Variants in MACF1 observed in about 807,000 individuals in gnomAD.
MACF1 encodes microtubule actin crosslinking factor 1, also known as microtubule-actin cross-linking factor 1.
MACF1 carries 193 observed loss-of-function variants against 854.8 expected under a neutral mutation model. The ratio of observed to expected loss-of-function variants is 0.23; its 90% CI spans 0.20 to 0.25. The LOEUF is 0.25. Among genes scored for constraint, MACF1 ranks in the 10% least tolerant of loss-of-function variants. MACF1 has a pLI of 1.00. For synonymous variants in MACF1, 3,185 were observed against 3,226.7 expected, an observed-to-expected ratio of 0.99 and a Z score of 0.44; for missense variants, 7,722 against 8,929.1, an observed-to-expected ratio of 0.86 and a Z score of 5.45.
intron 41 of MACF1, 150 bp from the exon 42 acceptor site, chr1:39,349,328 A>G: frequency 1.4e-6 from 1 of 707,218 alleles, no homozygotes; most frequent in Non-Finnish European, 2.3e-6. Flanking sequence ...AGCTTTCCGA[A>G]TATGATTTCT....
intron 2 of MACF1, among the ~76,000 whole-genome samples, chr1:39,127,595 G>C (rs1428933294): frequency 6.6e-6 from 1 of 152,172 alleles, no homozygotes; most frequent in Admixed American, 6.5e-5. Flanking sequence ...CAGAACTCCA[G>C]CTCTTAACTC....
intron 70 of MACF1, chr1:39,435,979 A>G: frequency 3.7e-6 from 2 of 533,632 alleles, no homozygotes; most frequent in Non-Finnish European, 6.6e-6. Context: ...TGGCTGGTAT[A>G]TATTGTCTGT....
chr1:39,100,245 GA>G (rs954196536), intron 2 of MACF1, among the ~76,000 whole-genome samples: 1 of 151,854 alleles, frequency 6.6e-6, no homozygotes, highest in Non-Finnish European at 1.5e-5. Flanking sequence ...TAAATAAATA[GA>G]AAAAAAATTT....
intron 57 of MACF1, 50 bp downstream of exon 57, chr1:39,385,979 A>G (rs756370948): frequency 2.9e-5 from 45 of 1,546,024 alleles, no homozygotes; most frequent in South Asian, 7.4e-5. Flanking sequence ...GGCAAGCAGA[A>G]AGAAGGAATG....
intron 50 of MACF1, 89 bp downstream of exon 50, chr1:39,368,403 A>G: frequency 7.5e-7 from 1 of 1,336,510 alleles, no homozygotes; most frequent in South Asian, 1.4e-5. Flanking sequence ...TTCCTTTACC[A>G]GAACAGATGG....
chr1:39,280,004 A>G (rs1416794646), intron 6 of MACF1, among the ~76,000 whole-genome samples: 2 of 152,126 alleles, frequency 1.3e-5, no homozygotes, highest in Non-Finnish European at 2.9e-5. Context: ...TACTTTACAC[A>G]GTGCTTTGAA....
chr1:39,441,164 G>T lies in MACF1; in HGVS notation c.18570+39G>T, dbSNP rs962511254. ...GATGAGGCACTCAGTTAGAACATTA[G>T]TGGGCCCAGACTGAAGAGTGGTATT... On this transcript the variant is annotated intron_variant, in intron 73 of 100. Coordinates refer to ENST00000564288, the MANE Select transcript of MACF1 (RefSeq NM_001394062.1). 3.1e-6 allele frequency: 5 copies of T among 1,614,156 alleles called. No homozygotes were observed. The South Asian group carries it at 3.3e-5, about 11-fold the overall frequency.
rs1291030287 is a variant in MACF1 at position 39,459,909 on chromosome 1, T to TC, written c.21360+665dup. ...GCTTATTGGGTTCTTGGTGCTTTTT[T>TC]CCCCCATTCCTTCTAACTTTGGAGT... On this transcript the variant is annotated intron_variant, in intron 91 of 100. Coordinates refer to ENST00000564288, the MANE Select transcript of MACF1 (RefSeq NM_001394062.1). 7 of 1,123,950 alleles carry TC rather than the reference T, an allele frequency of 6.2e-6. No individual in the cohort carries two copies. In the South Asian group the frequency reaches 7.9e-5, roughly 13 times the overall value. 69.6% of individuals were successfully genotyped at this position (1,123,950 alleles called of 1,614,324 possible).
chr1:39,262,397 C>CAAAAAAAA lies in MACF1; in HGVS notation c.528+4384_528+4391dup, dbSNP rs56376033. On this transcript the variant is annotated intron_variant, in intron 6 of 100. Transcript: ENST00000564288. The stretch of plus-strand genomic sequence containing the variant: ...GCCTGGGCTACACGAGACTCCATCA[C>CAAAAAAAA]AAAAAAAAAAAAAAAAAAAAAAGAA... 2.8e-3 allele frequency among the ~76,000 whole-genome samples: 194 copies of CAAAAAAAA among 68,582 alleles called. 1 individual carries two copies. The highest frequency in any genetic ancestry group is 3.6e-3 in the Non-Finnish European group (145 of 40,466). The allele number at this position is 68,582 out of a possible 152,430, so 45.0% of individuals were successfully genotyped here.
At chr1:39,272,788 C>T (rs967545949) in intron 6 of MACF1, among the ~76,000 whole-genome samples, 6 of 152,204 alleles carry the variant, frequency 3.9e-5, no homozygotes, top group African/African-American at 1.4e-4. Context: ...ACAGTTAATA[C>T]TTCTTTTGTC....
rs768796407 is a variant in MACF1, at chr1:39,287,332, A to G, written c.1555A>G (p.Thr519Ala). ...GCTGGTCACCTTGCGTCTAGAGTGT[A>G]CAAACCTGTACCGGAAGGGTCATTT... is the stretch of plus-strand genomic sequence containing the variant. Reference protein sequence around the residue: ...DELVTLRLECTNLYRKGHFTS... With the variant: ...DELVTLRLECANLYRKGHFTS... Residue 519 changes from threonine to alanine, a missense_variant, in exon 15 of 101, where the codon ACA (threonine) becomes GCA (alanine). By Grantham distance (58) the Thr-to-Ala change is moderately conservative (BLOSUM62 0). Coordinates refer to ENST00000564288, the MANE Select transcript of MACF1 (RefSeq NM_001394062.1). The G allele has an allele frequency of 1.9e-6, 3 of 1,614,190 alleles. No homozygotes were observed. The highest frequency in any genetic ancestry group is 2.5e-6 in the Non-Finnish European group (3 of 1,180,028).
chr1:39,208,094 C>CT (rs1329503276), intron 1 of MACF1, among the ~76,000 whole-genome samples: 1 of 146,990 alleles, frequency 6.8e-6, no homozygotes, highest in African/African-American at 2.5e-5. Context: ...GATCACACCA[C>CT]TGTATTCCAG....
At chr1:39,110,984 A>G (rs559136045) in intron 2 of MACF1, among the ~76,000 whole-genome samples, 6 of 152,328 alleles carry the variant, frequency 3.9e-5, no homozygotes, top group African/African-American at 1.2e-4. Context: ...AGTGTTCTTG[A>G]AAACACCCAG....
At chr1:39,185,334 A>AT (rs1403567314) in intron 2 of MACF1, among the ~76,000 whole-genome samples, 2 of 151,494 alleles carry the variant, frequency 1.3e-5, no homozygotes, top group Admixed American at 6.6e-5. Context: ...AGAAAAAGAT[A>AT]TATCAGAAGA....
At chr1:39,145,621 A>G (rs1451906988) in intron 2 of MACF1, among the ~76,000 whole-genome samples, 1 of 152,128 alleles carries the variant, frequency 6.6e-6, no homozygotes, top group East Asian at 1.9e-4. Flanking sequence ...ATCCCAATGA[A>G]AGGCTCTTGT....
chr1:39,474,479 C>T (rs1041729113), intron 97 of MACF1, among the ~76,000 whole-genome samples: 7 of 150,738 alleles, frequency 4.6e-5, no homozygotes, highest in Admixed American at 1.3e-4. Flanking sequence ...GCGGATCACC[C>T]GAGGTCAGGA....
intron 23 of MACF1, among the ~76,000 whole-genome samples, chr1:39,306,860 A>AATT (rs141461887): frequency 0.049 from 7,030 of 144,830 alleles, 221 homozygotes; most frequent in East Asian, 0.16. Context: ...CATTTTTTGA[A>AATT]ATTATTATTA....
At chr1:39,130,926 C>T (rs1642983461) in intron 2 of MACF1, among the ~76,000 whole-genome samples, 1 of 151,124 alleles carries the variant, frequency 6.6e-6, no homozygotes, top group Non-Finnish European at 1.5e-5. Flanking sequence ...ACTGCAACCT[C>T]CGCCTCCCGG....
chr1:39,422,075 CA>C (rs1417719355), intron 58 of MACF1, among the ~76,000 whole-genome samples: 1 of 143,692 alleles, frequency 7.0e-6, no homozygotes, highest in African/African-American at 2.6e-5. Flanking sequence ...ACTCTGTCTC[CA>C]AAAAAAACAA....
Sources: gnomAD v4.1 joint callset for allele counts (sites outside exome capture counted in the v4.1 genomes callset) on GRCh38, gnomAD v4.1.1 for gene constraint, MANE v1.5 for transcripts, NCBI Gene and HGNC (gene_info 2026-07-23, HGNC 2026-07-21) for gene names.